Variants in FUS observed in about 807,000 individuals in gnomAD.
The protein encoded by FUS is FUS RNA binding protein, also known as RNA-binding protein FUS.
Under a neutral mutation model 82.7 loss-of-function variants are expected in FUS, and 5 were observed. The ratio of observed to expected loss-of-function variants is 0.06; its 90% CI spans 0.03 to 0.13. The LOEUF (loss-of-function observed/expected upper bound fraction) is 0.13, where lower values mean the gene tolerates loss of function less well. Ranked by LOEUF, FUS falls within the 10% of genes least tolerant of loss-of-function variation. FUS has a pLI of 1.00. For missense variants in FUS, 512 were observed against 707.8 expected, an observed-to-expected ratio of 0.72 and a Z score of 3.14; for synonymous variants, 281 against 247.4, an observed-to-expected ratio of 1.14 and a Z score of -1.27.
chr16:31,192,044 A>G (rs1448502108), downstream of FUS: 7 of 532,906 alleles, frequency 1.3e-5, no homozygotes. Flanking sequence ...CACAGGAAGG[A>G]GAGTAACTGA....
rs2079194811 is a variant in FUS at position 31,182,520 on chromosome 16, G to A, written c.46G>A (p.Ala16Thr). ...YTQQATQSYG[A>T]YPTQPGQGYS... The stretch of plus-strand genomic sequence containing the variant: ...GGTTTTCCTTTTATTTAGCTATGGG[G>A]CCTACCCCACCCAGCCCGGGCAGGG... Residue 16 changes from alanine (A) to threonine (T), a missense_variant, in exon 3 of 15, where the codon GCC becomes ACC. Physicochemically the swap from Ala to Thr is moderately conservative, Grantham distance 58 (BLOSUM62 0). Around this residue, in one of 6 missense-constraint regions of FUS, gnomAD observed 276 missense variants for 303.3 expected, o/e 0.91. Coordinates refer to ENST00000254108, the MANE Select transcript of FUS (RefSeq NM_004960.4). The A allele has an allele frequency of 6.2e-7, 1 of 1,613,996 alleles. No individual in the cohort carries two copies. The highest frequency in any genetic ancestry group is 8.5e-7 in the Non-Finnish European group (1 of 1,180,028).
downstream of FUS, chr16:31,194,569 G>A (rs1466698332): frequency 2.0e-6 from 1 of 499,940 alleles, no homozygotes; most frequent in Admixed American, 2.3e-5. Context: ...GCCTCCCAGA[G>A]TGCTGGGATT....
At chr16:31,180,328 A>G in intron 1 of FUS, 101 bp downstream of exon 1, 1 of 1,461,920 alleles carries the variant, frequency 6.8e-7, no homozygotes, top group Non-Finnish European at 9.3e-7. Context: ...CCCGTGTGGG[A>G]TTTTTTGGCG....
Position 31,185,099 on chromosome 16 carries a change from CGGT to C in FUS, c.691_693del (p.Gly231del), listed in dbSNP as rs757651881. On this transcript the variant is annotated inframe_deletion, in exon 6 of 15. Transcript: ENST00000254108. The stretch of plus-strand genomic sequence containing the variant: ...GCAGTGGTGGCGGCGGCGGCGGCGG[CGGT>C]GGTGGTTACAACCGCAGCAGTGGTG... 46 of 1,601,764 alleles carry C rather than the reference CGGT, an allele frequency of 2.9e-5. 1 individual carries two copies. In the Middle Eastern group the frequency reaches 6.6e-4, roughly 23 times the overall value.
intron 3 of FUS, chr16:31,183,465 A>G (rs2079211951): frequency 9.0e-6 from 2 of 222,224 alleles, no homozygotes; most frequent in South Asian, 6.9e-5. Flanking sequence ...TTGAAAATGT[A>G]TGAAATCATG....
At chr16:31,191,301 C>G in intron 14 of FUS, 98 bp from the exon 15 acceptor site, 1 of 1,528,140 alleles carries the variant, frequency 6.5e-7, no homozygotes. Flanking sequence ...ATAAGATACT[C>G]GCTGGGTTAG....
chr16:31,185,690 C>T (rs1292862980), intron 6 of FUS: 3 of 427,776 alleles, frequency 7.0e-6, no homozygotes, highest in African/African-American at 4.0e-5. Context: ...ATTTGACCGA[C>T]ATTGATTTTG....
At chr16:31,186,982 C>A in intron 7 of FUS, 146 bp downstream of exon 7, 1 of 768,808 alleles carries the variant, frequency 1.3e-6, no homozygotes, top group Non-Finnish European at 2.3e-6. Context: ...GGTAGAATGC[C>A]ACCTGTTGCC....
rs1385866940 is a variant in FUS at position 31,191,380 on chromosome 16, T to A, written c.1542-19T>A. On this transcript the variant is annotated intron_variant, in intron 14 of 14. Coordinates refer to ENST00000254108, the MANE Select transcript of FUS (RefSeq NM_004960.4). The stretch of plus-strand genomic sequence containing the variant: ...ACTCAAATATAATGGATACTTAATT[T>A]TTTTTTTTTTTTTTGCAGGGGTGAG... The A allele has an allele frequency of 7.2e-7, 1 of 1,396,534 alleles. No homozygotes were observed. Among genetic ancestry groups the A allele is most frequent in the Non-Finnish European group, 9.9e-7 (1 of 1,008,822 alleles). 86.5% of individuals were successfully genotyped at this position (1,396,534 alleles called of 1,614,324 possible).
downstream of FUS, chr16:31,194,611 ATTTTAT>A: frequency 2.0e-6 from 1 of 493,426 alleles, no homozygotes; most frequent in Admixed American, 2.3e-5. Context: ...GGCTATGAAA[ATTTTAT>A]TTTTAATTAA....
chr16:31,186,687 G>A, intron 6 of FUS, 115 bp from the exon 7 acceptor site: 1 of 940,282 alleles, frequency 1.1e-6, no homozygotes, highest in East Asian at 2.4e-5. Flanking sequence ...GTAGCCACTT[G>A]TATCTTTTTC....
At chr16:31,192,119 C>T (rs2079370427), downstream of FUS, 2 of 531,366 alleles carry the variant, frequency 3.8e-6, no homozygotes, top group Non-Finnish European at 7.3e-6. Context: ...TCCTAGCTGC[C>T]CTGGTGAACA....
downstream of FUS, chr16:31,192,652 CTGAGTT>C (rs910748200): frequency 1.4e-5 from 7 of 483,536 alleles, no homozygotes; most frequent in Admixed American, 1.6e-4. Context: ...CCTCTGCCTC[CTGAGTT>C]TAAGCGATTC....
chr16:31,186,657 T>G, intron 6 of FUS, 145 bp from the exon 7 acceptor site: 1 of 732,958 alleles, frequency 1.4e-6, no homozygotes, highest in Non-Finnish European at 2.5e-6. Flanking sequence ...CAAGGGGTGG[T>G]CAGGAAGGGA....
At chr16:31,194,160 T>G (rs1464611700), downstream of FUS, 1 of 531,690 alleles carries the variant, frequency 1.9e-6, no homozygotes, top group Admixed American at 2.2e-5. Context: ...GTTTCAGTAC[T>G]TGGATGTAGG....
downstream of FUS, chr16:31,191,676 C>G (rs1395722912): frequency 1.4e-6 from 1 of 693,422 alleles, no homozygotes; most frequent in Admixed American, 2.0e-5. Context: ...GAGAGTTTTC[C>G]TGTTCAGATT....
chr16:31,187,137 A>T, intron 7 of FUS: 1 of 504,920 alleles, frequency 2.0e-6, no homozygotes, highest in African/African-American at 1.9e-5. Flanking sequence ...CATCATCATG[A>T]GAAACTGGAG....
At chr16:31,193,340 C>T (rs567293368), downstream of FUS, 1 of 524,282 alleles carries the variant, frequency 1.9e-6, no homozygotes. Context: ...CCAGGCATTG[C>T]TTTGACTTAG....
chr16:31,185,337 C>G, intron 6 of FUS, 158 bp downstream of exon 6: 2 of 875,792 alleles, frequency 2.3e-6, no homozygotes, highest in Admixed American at 5.8e-5. Flanking sequence ...TTTTACATCC[C>G]CATTTTATTT....
Sources: gnomAD v4.1 joint callset for allele counts on GRCh38, gnomAD v4.1.1 for gene constraint, gnomAD v4.1.1 regional missense constraint, MANE v1.5 for transcripts, NCBI Gene and HGNC (gene_info 2026-07-23, HGNC 2026-07-21) for gene names.